Variants in SDHA observed in about 807,000 individuals in gnomAD.
SDHA encodes the protein succinate dehydrogenase complex flavoprotein subunit A.
In SDHA, 48 loss-of-function variants were observed where a neutral mutation model predicts 78.4. The observed-to-expected ratio is 0.61, with a 90% CI of 0.49 to 0.78. The LOEUF is 0.78. Ranked by LOEUF, SDHA falls within the 30% of genes least tolerant of loss-of-function variation. SDHA has a pLI of 0.00. For synonymous variants in SDHA, 326 were observed against 353.9 expected (o/e 0.92, Z 0.88); for missense variants, 680 against 892.7 (o/e 0.76, Z 3.04).
At chr5:267,438 T>G in the SDHA span, among the ~76,000 whole-genome samples, 2 of 152,372 alleles carry the variant, frequency 1.3e-5, no homozygotes. Flanking sequence ...GTTGGATACA[T>G]GTACAGATAC....
chr5:224,387 C>T lies in SDHA; in HGVS notation c.178C>T (p.His60Tyr). 4 of 1,613,516 alleles carry T rather than the reference C, an allele frequency of 2.5e-6. No individual in the cohort carries two copies. The highest frequency in any genetic ancestry group is 3.4e-6 in the Non-Finnish European group (4 of 1,179,760). ...TTCTGCTCAGTATCCAGTAGTGGAT[C>T]ATGAATTTGATGCAGTGGTGGTAGG... ...SISAQYPVVDHEFDAVVVGAG... is the reference protein window; with the variant it reads ...SISAQYPVVDYEFDAVVVGAG... The change falls in exon 3 of 15, where the codon CAT becomes TAT. Residue 60 changes from histidine (H) to tyrosine (Y), a missense_variant. Physicochemically the swap from His to Tyr is moderately conservative, Grantham distance 83. Transcript: ENST00000264932.
chr5:249,848 C>G (rs1406882399), intron 11 of SDHA: 2 of 152,258 alleles, frequency 1.3e-5, no homozygotes, highest in South Asian at 2.1e-4. Flanking sequence ...GATAGAATTT[C>G]CAAACAATTC....
chr5:233,893 G>T (rs367915379), intron 8 of SDHA: 7 of 468,872 alleles, frequency 1.5e-5, no homozygotes, highest in East Asian at 8.1e-5. Flanking sequence ...GTATGTGACG[G>T]AGTATGGGAG....
chr5:241,160 T>A (rs1015851729), intron 11 of SDHA, among the ~76,000 whole-genome samples: 3 of 152,148 alleles, frequency 2.0e-5, no homozygotes, highest in African/African-American at 7.2e-5. Flanking sequence ...CAGCCTTCTG[T>A]GGTTCACTCG....
chr5:221,383 C>T (rs1734705636), intron 1 of SDHA, among the ~76,000 whole-genome samples: 1 of 152,178 alleles, frequency 6.6e-6, no homozygotes, highest in African/African-American at 2.4e-5. Flanking sequence ...TCCGCTTCTT[C>T]CTGATACAGT....
chr5:252,076 G>A lies in SDHA; in HGVS notation c.1794+608G>A, dbSNP rs545912589. Among the ~76,000 whole-genome samples, 101 of 149,944 alleles carry A rather than the reference G, an allele frequency of 6.7e-4. 1 individual carries two copies. The Middle Eastern group carries it at 0.022, about 32-fold the overall frequency. On this transcript the variant is annotated intron_variant, in intron 13 of 14. Transcript: ENST00000264932. The stretch of plus-strand genomic sequence containing the variant: ...TGGAAATGCCAGTTTATTAAATAAC[G>A]AGTAAGCCACTGTTTCAAACCTGCC...
intron 7 of SDHA, among the ~76,000 whole-genome samples, 181 bp from the exon 8 acceptor site, chr5:233,296 C>T (rs958521837): frequency 1.3e-5 from 2 of 152,210 alleles, no homozygotes; most frequent in African/African-American, 2.4e-5. Context: ...TCAGCCTTGT[C>T]AGTGCTTTTT....
At chr5:268,569 G>A in the SDHA span, among the ~76,000 whole-genome samples, 1 of 152,106 alleles carries the variant, frequency 6.6e-6, no homozygotes, top group Admixed American at 6.5e-5. Flanking sequence ...AAAAGGATCT[G>A]GGCTTGAATC....
intron 11 of SDHA, among the ~76,000 whole-genome samples, chr5:247,778 A>G (rs959112668): frequency 6.6e-6 from 1 of 152,224 alleles, no homozygotes; most frequent in African/African-American, 2.4e-5. Flanking sequence ...TTGGCATTCT[A>G]GCTTCTATTA....
intron 7 of SDHA, among the ~76,000 whole-genome samples, chr5:232,360 G>A (rs1199196108): frequency 6.6e-6 from 1 of 152,112 alleles, no homozygotes; most frequent in African/African-American, 2.4e-5. Flanking sequence ...ACAGGCATGT[G>A]TTACCATGCC....
At position 229,586 on chromosome 5, in the gene SDHA, G is replaced by T. The variant is rs1735252159; in HGVS notation, c.770+1253G>T. 5.9e-5 allele frequency among the ~76,000 whole-genome samples: 9 copies of T among 152,218 alleles called. No individual in the cohort carries two copies. In the South Asian group the frequency reaches 1.7e-3, roughly 28 times the overall value. ...ACAGAGTAGGACAGTGGTTGCCAGG[G>T]GCTGGGGGAATGCAGACTGTGGCGA... On this transcript the variant is annotated intron_variant, in intron 6 of 14. Transcript: ENST00000264932.
chr5:233,008 G>A (rs1579401226), intron 7 of SDHA, among the ~76,000 whole-genome samples: 1 of 152,328 alleles, frequency 6.6e-6, no homozygotes, highest in East Asian at 1.9e-4. Context: ...GTGGAAAGCA[G>A]CTAGAACTGC....
downstream of SDHA, among the ~76,000 whole-genome samples, chr5:257,123 T>C (rs1441216222): frequency 6.6e-6 from 1 of 152,236 alleles, no homozygotes; most frequent in Non-Finnish European, 1.5e-5. Context: ...TTCAAATTAA[T>C]GTTGGTGCCT....
At position 256,801 on chromosome 5, in the gene SDHA, G is replaced by A. The variant is rs1197112564; in HGVS notation, c.*381G>A. ...TGTTACATCAAAATCCAGATATTTTGTATAGTTTCTTTTTTCTTTTTCTTT... is the reference window on the plus strand; with the variant it reads ...TGTTACATCAAAATCCAGATATTTTATATAGTTTCTTTTTTCTTTTTCTTT... On this transcript the variant is annotated 3_prime_UTR_variant, in exon 15 of 15. Transcript: ENST00000264932. 4 of 261,216 alleles carry A rather than the reference G, an allele frequency of 1.5e-5. No homozygotes were observed. Among genetic ancestry groups the A allele is most frequent in the East Asian group, 1.1e-4 (2 of 17,598 alleles). The allele number at this position is 261,216 out of a possible 1,614,324, so 16.2% of individuals were successfully genotyped here. A position where few individuals can be genotyped will look rare whatever the true frequency, so the allele number is the denominator to read the frequency against.
intron 11 of SDHA, among the ~76,000 whole-genome samples, chr5:242,216 G>A (rs1736187197): frequency 6.6e-6 from 1 of 152,192 alleles, no homozygotes; most frequent in Admixed American, 6.5e-5. Context: ...GCCCCCAAAT[G>A]TGGCCCAAAA....
chr5:250,979 T>C lies in SDHA; in HGVS notation c.1552-13T>C, dbSNP rs1280763236. ...ATGGATTAAAAGTTTACAAATAATA[T>C]TTTGTGCCACAGTCAATGCAAAATC... is the stretch of plus-strand genomic sequence containing the variant. On this transcript the variant is annotated splice_polypyrimidine_tract_variant and intron_variant, in intron 11 of 14. Transcript: ENST00000264932. The C allele has an allele frequency of 1.9e-6, 3 of 1,607,134 alleles. No individual in the cohort carries two copies. Among genetic ancestry groups the C allele is most frequent in the Admixed American group, 1.7e-5 (1 of 59,988 alleles).
chr5:232,365 C>G (rs1579400125), intron 7 of SDHA, among the ~76,000 whole-genome samples: 2 of 152,258 alleles, frequency 1.3e-5, no homozygotes, highest in South Asian at 4.1e-4. Flanking sequence ...CATGTGTTAC[C>G]ATGCCCAGCT....
intron 6 of SDHA, 109 bp from the exon 7 acceptor site, chr5:230,767 G>A: frequency 6.9e-7 from 1 of 1,453,980 alleles, no homozygotes; most frequent in Non-Finnish European, 9.7e-7. Context: ...TGTGTGCACA[G>A]CACTGAGAAG....
At chr5:243,172 G>A (rs1046324515) in intron 11 of SDHA, among the ~76,000 whole-genome samples, 6 of 152,162 alleles carry the variant, frequency 3.9e-5, no homozygotes, top group African/African-American at 1.4e-4. Context: ...AATACACCCT[G>A]CAGATCAACA....
Sources: allele counts gnomAD v4.1 joint callset (sites outside exome capture counted in the v4.1 genomes callset), GRCh38; gene constraint gnomAD v4.1.1; transcripts MANE v1.5; gene names NCBI Gene and HGNC (gene_info 2026-07-23, HGNC 2026-07-21).